Variants in NAALADL2 observed in about 807,000 individuals in gnomAD.
NAALADL2 encodes the protein N-acetylated alpha-linked acidic dipeptidase like 2.
A neutral mutation model predicts 87.2 loss-of-function variants in NAALADL2; 76 were observed. That is an observed-to-expected ratio of 0.87 (90% CI 0.72 to 1.05). The LOEUF (loss-of-function observed/expected upper bound fraction) is 1.05. NAALADL2 is among the 50% of genes least tolerant of loss of function. The pLI is 0.00. For missense variants in NAALADL2, 1,089 were observed against 945.8 expected (o/e 1.15, Z -1.99); for synonymous variants, 354 against 331.0 (o/e 1.07, Z -0.75).
At chr3:174,755,242 G>C (rs889372250) in intron 3 of NAALADL2, among the ~76,000 whole-genome samples, 1 of 152,096 alleles carries the variant, frequency 6.6e-6, no homozygotes, top group East Asian at 1.9e-4. Context: ...TGCCGTAATT[G>C]TAAGTTTCCC....
chr3:175,271,041 A>G (rs1383194746), intron 4 of NAALADL2: 1 of 152,206 alleles, frequency 6.6e-6, no homozygotes, highest in East Asian at 1.9e-4. Flanking sequence ...ATGAATAGGC[A>G]TGCACATTTA....
In NAALADL2 at chr3:175,581,170, G is replaced by A. The variant is rs557660380; in HGVS notation, c.1800+4983G>A. ...AAAAAAGGCTGAATAGGCCGGACGC[G>A]GTGGCTCATGCCTGTCATCTCTGCC... On this transcript the variant is annotated intron_variant, in intron 10 of 13. Coordinates refer to ENST00000454872, the MANE Select transcript of NAALADL2 (RefSeq NM_207015.3). 402 of 381,076 alleles carry A rather than the reference G, an allele frequency of 1.1e-3. 1 individual carries two copies. The highest frequency in any genetic ancestry group is 7.4e-3 in the African/African-American group (355 of 48,268). The allele number at this position is 381,076 out of a possible 1,614,324, so 23.6% of individuals were successfully genotyped here. A position where few individuals can be genotyped will look rare whatever the true frequency, so the allele number is the denominator to read the frequency against.
chr3:174,443,650 G>A (rs950820004), intron 1 of NAALADL2, among the ~76,000 whole-genome samples: 6 of 152,126 alleles, frequency 3.9e-5, no homozygotes, highest in Admixed American at 2.0e-4. Context: ...AAAAGTGTGT[G>A]AGTTTAGAAT....
At chr3:174,569,086 G>A (rs184190253) in intron 2 of NAALADL2, among the ~76,000 whole-genome samples, 83 of 151,162 alleles carry the variant, frequency 5.5e-4, no homozygotes, top group South Asian at 4.6e-3. Context: ...AAAATATGTC[G>A]TACTTGTTTG....
intron 1 of NAALADL2, among the ~76,000 whole-genome samples, chr3:174,868,136 C>T (rs1057049535): frequency 6.6e-6 from 1 of 152,002 alleles, no homozygotes; most frequent in African/African-American, 2.4e-5. Context: ...CATCTAGATA[C>T]ATTGTGAGGG....
Position 175,139,027 on chromosome 3 carries a change from T to G in NAALADL2, c.545+41736T>G, listed in dbSNP as rs186274052. Among the ~76,000 whole-genome samples the G allele has an allele frequency of 5.6e-3, 852 of 151,018 alleles. 9 individuals carry two copies. The highest frequency in any genetic ancestry group is 0.018 in the African/African-American group (735 of 41,210). On this transcript the variant is annotated intron_variant, in intron 2 of 13. Coordinates refer to ENST00000454872, the MANE Select transcript of NAALADL2 (RefSeq NM_207015.3). ...TTTAAATGTGTTTTTTTGAAAGAAG[T>G]GAAATATTTTTCTTTCTTTGAATTT...
At chr3:174,963,128 G>A (rs1213826504) in intron 1 of NAALADL2, among the ~76,000 whole-genome samples, 1 of 152,028 alleles carries the variant, frequency 6.6e-6, no homozygotes, top group African/African-American at 2.4e-5. Flanking sequence ...TATACATTCT[G>A]TTTAGATGGC....
chr3:174,766,650 A>C (rs1344829713), intron 3 of NAALADL2, among the ~76,000 whole-genome samples: 1 of 152,164 alleles, frequency 6.6e-6, no homozygotes, highest in Admixed American at 6.5e-5. Context: ...TTAAACACTA[A>C]TTGCTTCTCT....
intron 3 of NAALADL2, among the ~76,000 whole-genome samples, chr3:174,837,141 A>G (rs560045750): frequency 6.6e-6 from 1 of 152,284 alleles, no homozygotes; most frequent in Admixed American, 6.5e-5. Flanking sequence ...GGAAATAACC[A>G]ATATCAGAGC....
At chr3:175,564,279 T>G (rs1000896037) in intron 9 of NAALADL2, among the ~76,000 whole-genome samples, 3 of 152,196 alleles carry the variant, frequency 2.0e-5, no homozygotes, top group South Asian at 4.1e-4. Flanking sequence ...TGAATGATGC[T>G]AATACGCAAA....
At chr3:174,471,418 T>A (rs1264148767) in intron 1 of NAALADL2, among the ~76,000 whole-genome samples, 1 of 152,086 alleles carries the variant, frequency 6.6e-6, no homozygotes, top group Non-Finnish European at 1.5e-5. Context: ...TCCTCACGCA[T>A]GGTACTAGAA....
intron 1 of NAALADL2, among the ~76,000 whole-genome samples, chr3:174,528,148 A>G (rs1720931768): frequency 6.6e-6 from 1 of 152,138 alleles, no homozygotes; most frequent in Non-Finnish European, 1.5e-5. Context: ...GCTTTCTTCC[A>G]CTTTGTGTTA....
chr3:175,639,315 A>ATTTTTTTT (rs1728965438), intron 11 of NAALADL2, among the ~76,000 whole-genome samples: 15 of 96,196 alleles, frequency 1.6e-4, no homozygotes, highest in African/African-American at 4.1e-4. Context: ...CAAAAGCGTT[A>ATTTTTTTT]TTCTTTTTTT....
chr3:174,561,961 A>G (rs1006796062), intron 2 of NAALADL2, among the ~76,000 whole-genome samples: 3 of 152,202 alleles, frequency 2.0e-5, no homozygotes, highest in Non-Finnish European at 4.4e-5. Flanking sequence ...AAATTCTTCC[A>G]TAATCCTATT....
At chr3:174,713,856 T>G (rs1454338124) in intron 2 of NAALADL2, among the ~76,000 whole-genome samples, 3 of 152,074 alleles carry the variant, frequency 2.0e-5, no homozygotes, top group African/African-American at 2.4e-5. Context: ...TTTGGTGTTT[T>G]AGACATGAAG....
chr3:175,010,697 T>C (rs1293939650), intron 1 of NAALADL2, among the ~76,000 whole-genome samples: 2 of 152,180 alleles, frequency 1.3e-5, no homozygotes, highest in Non-Finnish European at 2.9e-5. Flanking sequence ...TTCTTGCCTA[T>C]GTCTTTTAGT....
intron 2 of NAALADL2, among the ~76,000 whole-genome samples, chr3:174,707,555 C>T (rs1730212888): frequency 6.7e-6 from 1 of 149,736 alleles, no homozygotes; most frequent in Non-Finnish European, 1.5e-5. Context: ...GACAGAAAAC[C>T]AAACACCGCA....
In NAALADL2 at chr3:175,667,258, AAAGAAAGG is replaced by A. The variant is rs1560943926; in HGVS notation, c.1896+39876_1896+39883del. Reference sequence around the variant, plus strand: ...AAGAAAGAAAAAGAAAGAAAGAAAGAAAGAAAGGAAGGAAGGGATGGGGATCTGAAGGG... The same window carrying A: ...AAGAAAGAAAAAGAAAGAAAGAAAGAAAGGAAGGGATGGGGATCTGAAGGG... On this transcript the variant is annotated intron_variant, in intron 11 of 13. Coordinates refer to ENST00000454872, the MANE Select transcript of NAALADL2 (RefSeq NM_207015.3). 4.0e-4 allele frequency among the ~76,000 whole-genome samples: 56 copies of A among 138,880 alleles called. 1 individual carries two copies. Among genetic ancestry groups the A allele is most frequent in the African/African-American group, 1.7e-3 (51 of 30,904 alleles). 91.1% of individuals were successfully genotyped at this position (138,880 alleles called of 152,430 possible).
intron 5 of NAALADL2, among the ~76,000 whole-genome samples, chr3:175,382,357 T>C (rs1462416355): frequency 6.6e-6 from 1 of 152,076 alleles, no homozygotes; most frequent in Non-Finnish European, 1.5e-5. Flanking sequence ...AAATAAATAT[T>C]TGTAGACAGG....
Sources: allele counts gnomAD v4.1 joint callset (sites outside exome capture counted in the v4.1 genomes callset), GRCh38; gene constraint gnomAD v4.1.1; transcripts MANE v1.5; gene names NCBI Gene and HGNC (gene_info 2026-07-23, HGNC 2026-07-21).